DNAAF9: variants seen among roughly 807,000 people sequenced by gnomAD.
DNAAF9 encodes the protein shulin.
A neutral mutation model predicts 167.0 loss-of-function variants in DNAAF9; 90 were observed. The observed-to-expected ratio is 0.54, with a 90% CI of 0.45 to 0.64. DNAAF9 has a LOEUF of 0.64. DNAAF9 is among the 30% of genes least tolerant of loss of function. The probability of loss-of-function intolerance (pLI) is 0.00; values close to 1 mark genes in which losing one functional copy is unlikely to be tolerated. For synonymous variants in DNAAF9, 491 were observed against 508.8 expected (o/e 0.96, Z 0.47); for missense variants, 1,315 against 1,442.2 (o/e 0.91, Z 1.43).
chr20:3,390,510 G>A (rs183029996), intron 1 of DNAAF9, among the ~76,000 whole-genome samples: 3 of 152,050 alleles, frequency 2.0e-5, no homozygotes, highest in Admixed American at 1.3e-4. Flanking sequence ...GATTACAGGC[G>A]TGTGCCACCA....
intron 25 of DNAAF9, 45 bp from the exon 26 acceptor site, chr20:3,290,262 A>G: frequency 8.3e-7 from 1 of 1,209,400 alleles, no homozygotes; most frequent in African/African-American, 1.5e-5. Flanking sequence ...ACTGCATTGC[A>G]TTATGTAAGA....
chr20:3,255,571 T>C (rs995936492), intron 34 of DNAAF9, among the ~76,000 whole-genome samples: 2 of 152,012 alleles, frequency 1.3e-5, no homozygotes, highest in African/African-American at 4.8e-5. Context: ...ACCCTACCAA[T>C]GAGAGGCAGA....
intron 20 of DNAAF9, among the ~76,000 whole-genome samples, chr20:3,304,984 G>A (rs913985704): frequency 6.6e-6 from 1 of 152,226 alleles, no homozygotes. Flanking sequence ...GGTCTCAGCT[G>A]AAGACTGGTG....
At chr20:3,280,013 C>A (rs974387146) in intron 28 of DNAAF9, among the ~76,000 whole-genome samples, 10 of 152,192 alleles carry the variant, frequency 6.6e-5, no homozygotes, top group African/African-American at 2.4e-4. Context: ...CAGCCAGTCA[C>A]ACATCATTTG....
chr20:3,320,765 T>C (rs1027920618), intron 16 of DNAAF9, among the ~76,000 whole-genome samples: 5 of 152,196 alleles, frequency 3.3e-5, no homozygotes, highest in African/African-American at 9.7e-5. Flanking sequence ...ACAGGAACTT[T>C]TGAGTTACTT....
chr20:3,286,696 AC>A (rs1375065435), intron 27 of DNAAF9, among the ~76,000 whole-genome samples: 1 of 152,140 alleles, frequency 6.6e-6, no homozygotes, highest in Non-Finnish European at 1.5e-5. Context: ...ACACCGTCCC[AC>A]CTGCCTCCTT....
At chr20:3,266,181 C>T (rs2068487048) in intron 30 of DNAAF9, among the ~76,000 whole-genome samples, 1 of 152,168 alleles carries the variant, frequency 6.6e-6, no homozygotes, top group Admixed American at 6.5e-5. Context: ...TGCATCCTTC[C>T]CACTGCATCA....
chr20:3,383,298 G>C (rs2083688144), intron 1 of DNAAF9, among the ~76,000 whole-genome samples: 2 of 141,586 alleles, frequency 1.4e-5, no homozygotes, highest in African/African-American at 5.4e-5. Context: ...TTTTGAGATG[G>C]AGTCTGGCTC....
intron 21 of DNAAF9, among the ~76,000 whole-genome samples, chr20:3,299,454 G>A (rs1018121552): frequency 4.6e-5 from 7 of 151,916 alleles, no homozygotes; most frequent in African/African-American, 1.7e-4. Flanking sequence ...GGGATTACAG[G>A]CATCCACCCA....
Position 3,260,045 on chromosome 20 carries a change from A to C in DNAAF9, c.2874-17T>G, listed in dbSNP as rs755670492. The C allele has an allele frequency of 1.3e-6, 2 of 1,497,120 alleles. No individual in the cohort carries two copies. The highest frequency in any genetic ancestry group is 1.9e-6 in the Non-Finnish European group (2 of 1,073,488). The allele number at this position is 1,497,120 out of a possible 1,614,324, so 92.7% of individuals were successfully genotyped here. Reference sequence around the variant, plus strand: ...CCTTCATACCTTAAAAGGTTTAAAAAATTTTAAGTACAGGCCGGGCGCGGT... The same window carrying C: ...CCTTCATACCTTAAAAGGTTTAAAACATTTTAAGTACAGGCCGGGCGCGGT... On this transcript the variant is annotated splice_polypyrimidine_tract_variant and intron_variant, in intron 31 of 36. Coordinates refer to ENST00000252032, the MANE Select transcript of DNAAF9 (RefSeq NM_001009984.3).
At chr20:3,390,654 C>T (rs2083814630) in intron 1 of DNAAF9, among the ~76,000 whole-genome samples, 1 of 152,174 alleles carries the variant, frequency 6.6e-6, no homozygotes, top group Admixed American at 6.5e-5. Context: ...TGTGAGGTGC[C>T]ACGCCTGGCC....
chr20:3,259,386 G>C, intron 33 of DNAAF9, 94 bp downstream of exon 33: 1 of 851,174 alleles, frequency 1.2e-6, no homozygotes, highest in Non-Finnish European at 2.1e-6. Flanking sequence ...AGCAGCATCA[G>C]TGGTCTGCAG....
chr20:3,382,516 G>C lies in DNAAF9; in HGVS notation c.84-10C>G. 1.2e-6 allele frequency: 2 copies of C among 1,612,694 alleles called. No individual in the cohort carries two copies. The highest frequency in any genetic ancestry group is 1.7e-6 in the Non-Finnish European group (2 of 1,178,826). ...CCGAAGTCGACTGCAGCTGCAACAA[G>C]AACAGAAAATGGTCCCCTGAGTGCC... On this transcript the variant is annotated splice_polypyrimidine_tract_variant and intron_variant, in intron 1 of 36. Transcript: ENST00000252032.
chr20:3,281,139 G>A (rs764844065), intron 28 of DNAAF9, among the ~76,000 whole-genome samples: 5 of 151,610 alleles, frequency 3.3e-5, no homozygotes, highest in Admixed American at 1.3e-4. Flanking sequence ...AGCGATTTTC[G>A]TGCCTCAGCC....
At chr20:3,328,849 T>TAC (rs1360626392) in intron 12 of DNAAF9, among the ~76,000 whole-genome samples, 1 of 150,020 alleles carries the variant, frequency 6.7e-6, no homozygotes, top group African/African-American at 2.5e-5. Context: ...CACACACGTA[T>TAC]ACACACACAC....
intron 6 of DNAAF9, among the ~76,000 whole-genome samples, chr20:3,366,276 T>C (rs994698427): frequency 6.6e-6 from 1 of 152,224 alleles, no homozygotes; most frequent in Non-Finnish European, 1.5e-5. Context: ...GTTGTGTTAG[T>C]AGGCATGAAA....
chr20:3,298,907 C>CTCTTTT (rs1161069471), intron 21 of DNAAF9, among the ~76,000 whole-genome samples: 4 of 119,570 alleles, frequency 3.3e-5, no homozygotes, highest in African/African-American at 1.3e-4. Context: ...TGTTTTAGCT[C>CTCTTTT]TTTTTTTTTT....
rs772569284 is a variant in DNAAF9 at position 3,407,644 on chromosome 20, G to GGGCGGGGC, written c.-95_-88dup. On this transcript the variant is annotated 5_prime_UTR_variant, in exon 1 of 37. Coordinates refer to ENST00000252032, the MANE Select transcript of DNAAF9 (RefSeq NM_001009984.3). ...GGGCGGCTCCACGCTAGCTGCGGCC[G>GGGCGGGGC]GGCGGGGCGGCAGGGCGTGCCGGGT... 6,817 of 1,149,656 alleles carry GGGCGGGGC rather than the reference G, an allele frequency of 5.9e-3. 22 individuals are homozygous for GGGCGGGGC. The highest frequency in any genetic ancestry group is 6.8e-3 in the Non-Finnish European group (6,315 of 935,414). The allele number at this position is 1,149,656 out of a possible 1,614,324, so 71.2% of individuals were successfully genotyped here.
chr20:3,382,447 T>A lies in DNAAF9; in HGVS notation c.143A>T (p.Asp48Val), dbSNP rs751408840. 6.2e-7 allele frequency: 1 copy of A among 1,613,832 alleles called. No homozygotes were observed. Among genetic ancestry groups the A allele is most frequent in the Non-Finnish European group, 8.5e-7 (1 of 1,179,758 alleles). Reference protein sequence around the residue: ...ILTQSSKSRPDGILCILGIDS... With the variant: ...ILTQSSKSRPVGILCILGIDS... Reference sequence around the variant, plus strand: ...CTGACCTAGGATGCAGAGGATCCCATCCGGCCGAGACTTGCTGCTCTGGGT... The same window carrying A: ...CTGACCTAGGATGCAGAGGATCCCAACCGGCCGAGACTTGCTGCTCTGGGT... Residue 48 changes from aspartate to valine, a missense_variant, in exon 2 of 37, where the codon GAT (aspartate) becomes GTT (valine). Coordinates refer to ENST00000252032, the MANE Select transcript of DNAAF9 (RefSeq NM_001009984.3).
Sources: allele counts gnomAD v4.1 joint callset (sites outside exome capture counted in the v4.1 genomes callset), GRCh38; gene constraint gnomAD v4.1.1; transcripts MANE v1.5; gene names NCBI Gene and HGNC (gene_info 2026-07-23, HGNC 2026-07-21).